The following TPD52 variants were observed in gnomAD, a reference collection of about 807,000 sequenced individuals.
The protein encoded by TPD52 is prostate and colon associated protein.
TPD52 carries 17 observed loss-of-function variants against 31.3 expected under a neutral mutation model. That is an observed-to-expected ratio of 0.54 (90% CI 0.37 to 0.82). TPD52 has a LOEUF of 0.82. Among genes scored for constraint, TPD52 ranks in the 40% least tolerant of loss-of-function variants. The pLI, the probability that TPD52 is intolerant of heterozygous loss-of-function variation, is 0.00. For synonymous variants in TPD52, 83 were observed against 89.6 expected, an observed-to-expected ratio of 0.93 and a Z score of 0.42; for missense variants, 212 against 240.1, an observed-to-expected ratio of 0.88 and a Z score of 0.77.
chr8:80,108,089 T>C (rs1470654788), intron 1 of TPD52, among the ~76,000 whole-genome samples: 2 of 152,186 alleles, frequency 1.3e-5, no homozygotes, highest in Non-Finnish European at 2.9e-5. Context: ...CTGAATTTCT[T>C]TGGAGGACCT....
intron 1 of TPD52, among the ~76,000 whole-genome samples, chr8:80,129,776 T>C (rs1808895997): frequency 6.8e-6 from 1 of 147,760 alleles, no homozygotes; most frequent in Non-Finnish European, 1.5e-5. Flanking sequence ...CTCAGCTCAC[T>C]GAAACCTCCA....
chr8:80,144,506 C>T (rs1047740802), intron 1 of TPD52, among the ~76,000 whole-genome samples: 1 of 152,224 alleles, frequency 6.6e-6, no homozygotes, highest in Non-Finnish European at 1.5e-5. Context: ...TGAGCCAGCA[C>T]CTGCCTCTCC....
downstream of TPD52, among the ~76,000 whole-genome samples, chr8:80,033,598 AG>A (rs1809749475): frequency 6.6e-6 from 1 of 152,198 alleles, no homozygotes. Flanking sequence ...CAAGCCAGCC[AG>A]GAACATGTTA....
At chr8:80,044,977 G>A (rs376550006) in intron 5 of TPD52, among the ~76,000 whole-genome samples, 1 of 152,058 alleles carries the variant, frequency 6.6e-6, no homozygotes, top group Non-Finnish European at 1.5e-5. Context: ...TTCAATGTAG[G>A]TCCTCAAATC....
At chr8:80,120,127 G>A (rs1159685887) in intron 1 of TPD52, among the ~76,000 whole-genome samples, 2 of 152,162 alleles carry the variant, frequency 1.3e-5, no homozygotes, top group Middle Eastern at 3.4e-3. Flanking sequence ...CTTGTACCAT[G>A]TATATATATA....
rs956148132 is a variant in TPD52, at chr8:80,091,433, C to A, written c.20-26840G>T. Among the ~76,000 whole-genome samples the A allele has an allele frequency of 4.7e-5, 7 of 149,406 alleles. No homozygotes were observed. The East Asian group carries it at 9.9e-4, about 21-fold the overall frequency. On this transcript the variant is annotated intron_variant, in intron 1 of 7. Transcript: ENST00000518937. ...GCAGTGAGCCGAGATCGCGCCACTG[C>A]GCTCCAGCCTGGGCGACAGAGACTC...
intron 1 of TPD52, among the ~76,000 whole-genome samples, chr8:80,079,601 T>C (rs191097952): frequency 3.1e-4 from 47 of 152,318 alleles, no homozygotes; most frequent in African/African-American, 1.1e-3. Context: ...TGATTGCTTA[T>C]TTGGCAAATT....
intron 1 of TPD52, among the ~76,000 whole-genome samples, chr8:80,108,858 AAAG>A: frequency 6.6e-6 from 1 of 152,252 alleles, no homozygotes; most frequent in Non-Finnish European, 1.5e-5. Flanking sequence ...GCAATTTGGA[AAAG>A]TATACTTTTG....
At chr8:80,159,474 A>G (rs1284848370) in intron 1 of TPD52, among the ~76,000 whole-genome samples, 1 of 152,188 alleles carries the variant, frequency 6.6e-6, no homozygotes, top group Non-Finnish European at 1.5e-5. Flanking sequence ...TATGTAGTAT[A>G]GGTATAGGCT....
At chr8:80,107,492 C>T (rs952995137) in intron 1 of TPD52, among the ~76,000 whole-genome samples, 1 of 152,204 alleles carries the variant, frequency 6.6e-6, no homozygotes, top group Non-Finnish European at 1.5e-5. Context: ...CAACCAACAA[C>T]CAAGAAGGAC....
chr8:80,088,942 G>A (rs1015084127), intron 1 of TPD52, among the ~76,000 whole-genome samples: 2 of 152,122 alleles, frequency 1.3e-5, no homozygotes, highest in Non-Finnish European at 2.9e-5. Context: ...TGATCCGCCC[G>A]CCTCGGCCTC....
chr8:80,168,440 C>T (rs1811858145), intron 1 of TPD52, among the ~76,000 whole-genome samples: 1 of 152,132 alleles, frequency 6.6e-6, no homozygotes, highest in Non-Finnish European at 1.5e-5. Context: ...TATAAGAAAA[C>T]TCCATGTACA....
intron 2 of TPD52, among the ~76,000 whole-genome samples, chr8:80,056,933 C>T (rs1204582801): frequency 3.3e-5 from 5 of 152,116 alleles, no homozygotes; most frequent in African/African-American, 1.2e-4. Context: ...CTTTGGGAGG[C>T]CAAGGTGGAC....
In TPD52 at chr8:80,081,714, GATTTT is replaced by G. The variant is rs576172054; in HGVS notation, c.20-17126_20-17122del. 2.2e-4 allele frequency among the ~76,000 whole-genome samples: 26 copies of G among 119,192 alleles called. No homozygotes were observed. The South Asian group carries it at 3.1e-3, about 14-fold the overall frequency. 78.2% of individuals were successfully genotyped at this position (119,192 alleles called of 152,430 possible). On this transcript the variant is annotated intron_variant, in intron 1 of 7. Transcript: ENST00000518937. ...CCAAGATGGTCTGTATTCATCTTGT[GATTTT>G]TTTTTTTTAAATACAGAATATATGC...
At chr8:80,122,935 A>T (rs1007536167) in intron 1 of TPD52, 2 of 152,300 alleles carry the variant, frequency 1.3e-5, no homozygotes, top group African/African-American at 4.8e-5. Flanking sequence ...CTAGGCTGAG[A>T]ATTCTGACGT....
At chr8:80,068,912 T>G (rs996184053) in intron 1 of TPD52, among the ~76,000 whole-genome samples, 1 of 152,176 alleles carries the variant, frequency 6.6e-6, no homozygotes, top group African/African-American at 2.4e-5. Flanking sequence ...TGCTTCAAAA[T>G]TTGCAAAATG....
At chr8:80,135,399 G>A (rs1007703316) in intron 1 of TPD52, among the ~76,000 whole-genome samples, 14 of 152,114 alleles carry the variant, frequency 9.2e-5, no homozygotes, top group Non-Finnish European at 2.1e-4. Context: ...AACTACCTGA[G>A]TCTTCTCACC....
At chr8:80,148,317 A>AGTGTGTGTGTGTGTGTGCGTGT (rs1810342215) in intron 1 of TPD52, among the ~76,000 whole-genome samples, 1 of 143,888 alleles carries the variant, frequency 6.9e-6, no homozygotes, top group African/African-American at 2.7e-5. Context: ...TTCCTGGCTA[A>AGTGTGTGTGTGTGTGTGCGTGT]GTGTGTGTGT....
At chr8:80,046,150 T>C (rs1810824515) in intron 5 of TPD52, among the ~76,000 whole-genome samples, 1 of 152,206 alleles carries the variant, frequency 6.6e-6, no homozygotes, top group African/African-American at 2.4e-5. Context: ...AGTGGTAATA[T>C]ATAAGGAAAG....
Sources: allele counts gnomAD v4.1 joint callset (sites outside exome capture counted in the v4.1 genomes callset), GRCh38; gene constraint gnomAD v4.1.1; transcripts MANE v1.5; gene names NCBI Gene and HGNC (gene_info 2026-07-23, HGNC 2026-07-21).